Variants in XK observed in about 807,000 individuals in gnomAD.
XK encodes the protein endoplasmic reticulum membrane adapter protein XK.
A neutral mutation model predicts 14.0 loss-of-function variants in XK; 2 were observed. The observed-to-expected ratio is 0.14, with a 90% CI of 0.06 to 0.45. The LOEUF is 0.45. Ranked by LOEUF, XK falls within the 20% of genes least tolerant of loss-of-function variation. XK has a pLI of 0.98. For missense variants in XK, 235 were observed against 341.5 expected (o/e 0.69, Z 2.46); for synonymous variants, 149 against 147.5 (o/e 1.01, Z -0.08).
chrX:37,693,501 G>GTGTGTGTGTGTGTGTA (rs1435043646), intron 1 of XK, among the ~76,000 whole-genome samples: 2 of 110,297 alleles, frequency 1.8e-5, no homozygotes, highest in African/African-American at 6.6e-5. Context: ...GTGTGTGTGT[G>GTGTGTGTGTGTGTGTA]TATGTACTTC....
rs782053131 is a variant in XK at position 37,730,671 on chromosome X, G to A, written c.*2209G>A. ...GCCTTGGGAGTGAGGTGTGGGAGTAGCCACCAGCCTCCCACTGACTAGGCA... is the reference window on the plus strand; with the variant it reads ...GCCTTGGGAGTGAGGTGTGGGAGTAACCACCAGCCTCCCACTGACTAGGCA... On this transcript the variant is annotated 3_prime_UTR_variant, in exon 3 of 3. Coordinates refer to ENST00000378616, the MANE Select transcript of XK (RefSeq NM_021083.4). 5.3e-5 allele frequency: 6 copies of A among 112,670 alleles called. No homozygotes were observed. Among genetic ancestry groups the A allele is most frequent in the African/African-American group, 1.6e-4 (5 of 31,083 alleles). The allele number at this position is 112,670 out of a possible 1,213,427, so 9.3% of individuals were successfully genotyped here. A position where few individuals can be genotyped will look rare whatever the true frequency, so the allele number is the denominator to read the frequency against.
intron 2 of XK, among the ~76,000 whole-genome samples, chrX:37,698,044 C>G (rs1406913222): frequency 1.8e-5 from 2 of 112,156 alleles, no homozygotes; most frequent in Non-Finnish European, 3.8e-5. Context: ...AGGGCTTGCT[C>G]AAGTCTCCAG....
At chrX:37,707,614 C>T (rs782769477) in intron 2 of XK, among the ~76,000 whole-genome samples, 5 of 110,090 alleles carry the variant, frequency 4.5e-5, no homozygotes, top group Admixed American at 9.5e-5. Flanking sequence ...GACGGGGCAG[C>T]GGGGCAGAGC....
At chrX:37,705,177 A>G (rs898607092) in intron 2 of XK, among the ~76,000 whole-genome samples, 55 of 110,488 alleles carry the variant, frequency 5.0e-4, no homozygotes, top group South Asian at 1.5e-3. Flanking sequence ...CAGGCGTGGT[A>G]GCTCACGCCT....
In XK at chrX:37,685,937, C is replaced by T; in HGVS notation, c.-25C>T. The T allele has an allele frequency of 8.3e-7, 1 of 1,198,224 alleles. No homozygotes were observed. Among genetic ancestry groups the T allele is most frequent in the Non-Finnish European group, 1.1e-6 (1 of 890,152 alleles). On this transcript the variant is annotated 5_prime_UTR_variant, in exon 1 of 3. Coordinates refer to ENST00000378616, the MANE Select transcript of XK (RefSeq NM_021083.4). ...CAGCCGCCGCCACTGCGTCCGTCCC[C>T]GGTGAGCGCCGCTGACGCGCGGAGA...
At chrX:37,726,365 GTAT>G (rs1927974090) in intron 2 of XK, among the ~76,000 whole-genome samples, 1 of 111,846 alleles carries the variant, frequency 8.9e-6, no homozygotes, top group East Asian at 2.8e-4. Flanking sequence ...GCATGGAAGG[GTAT>G]TATCTCAATT....
rs181403748 is a variant in XK, at chrX:37,687,260, T to G, written c.245+1054T>G. On this transcript the variant is annotated intron_variant, in intron 1 of 2. Transcript: ENST00000378616. ...ACACATTGAGGAGCAAGATAAATTT[T>G]ACAAAGTTATAATTTTTTTTTTTTT... Among the ~76,000 whole-genome samples, 29 of 106,607 alleles carry G rather than the reference T, an allele frequency of 2.7e-4. No homozygotes were observed. In the East Asian group the frequency reaches 8.5e-3, roughly 31 times the overall value. The allele number at this position is 106,607 out of a possible 115,157, so 92.6% of individuals were successfully genotyped here.
At chrX:37,692,689 CT>C (rs1208947155) in intron 1 of XK, among the ~76,000 whole-genome samples, 5 of 112,429 alleles carry the variant, frequency 4.4e-5, no homozygotes, top group African/African-American at 1.6e-4. Context: ...GCGTGAGCCA[CT>C]GCCCCCGGCC....
At chrX:37,708,152 A>G (rs1927585598) in intron 2 of XK, among the ~76,000 whole-genome samples, 1 of 112,295 alleles carries the variant, frequency 8.9e-6, no homozygotes. Context: ...CCGAGATGGC[A>G]GCAGTACAGT....
intron 2 of XK, among the ~76,000 whole-genome samples, chrX:37,702,552 C>T (rs1398935695): frequency 9.0e-6 from 1 of 111,709 alleles, no homozygotes; most frequent in Non-Finnish European, 1.9e-5. Flanking sequence ...ACCTGAAAGT[C>T]TGGATTTCTG....
intron 2 of XK, among the ~76,000 whole-genome samples, chrX:37,709,090 A>C (rs1927609233): frequency 8.9e-6 from 1 of 112,240 alleles, no homozygotes; most frequent in South Asian, 3.7e-4. Flanking sequence ...ATCCAGCCAC[A>C]TACTTCCCTT....
At chrX:37,707,723 T>G (rs1161924287) in intron 2 of XK, among the ~76,000 whole-genome samples, 1 of 95,205 alleles carries the variant, frequency 1.1e-5, no homozygotes, top group Admixed American at 1.1e-4. Context: ...CTTCTCAGAG[T>G]GGGCAGCCAG....
intron 2 of XK, among the ~76,000 whole-genome samples, chrX:37,719,910 C>T (rs1162962719): frequency 9.0e-6 from 1 of 111,119 alleles, no homozygotes; most frequent in South Asian, 3.7e-4. Flanking sequence ...AACTATCTTT[C>T]TCCAGGAAGA....
At chrX:37,720,829 A>G (rs1927855912) in intron 2 of XK, among the ~76,000 whole-genome samples, 1 of 111,326 alleles carries the variant, frequency 9.0e-6, no homozygotes, top group Admixed American at 9.5e-5. Context: ...GGTTCCGTCC[A>G]TGTTACTGCA....
intron 2 of XK, among the ~76,000 whole-genome samples, chrX:37,707,217 G>A (rs1445495973): frequency 9.1e-6 from 1 of 110,492 alleles, no homozygotes; most frequent in Non-Finnish European, 1.9e-5. Flanking sequence ...GCCGGGCAGA[G>A]GTGACCCCCA....
Position 37,685,892 on chromosome X carries a change from C to A in XK, c.-70C>A. ...ATGCTGGGAGCCCCTCGGGCAACGG[C>A]CGCCGCCGCCACAGCCACACAGCCG... is the stretch of plus-strand genomic sequence containing the variant. On this transcript the variant is annotated 5_prime_UTR_variant, in exon 1 of 3. Coordinates refer to ENST00000378616, the MANE Select transcript of XK (RefSeq NM_021083.4). The A allele has an allele frequency of 4.4e-6, 5 of 1,129,326 alleles. No homozygotes were observed. In the South Asian group the frequency reaches 9.7e-5, roughly 22 times the overall value. 93.1% of individuals were successfully genotyped at this position (1,129,326 alleles called of 1,213,427 possible). A position where few individuals can be genotyped will look rare whatever the true frequency, so the allele number is the denominator to read the frequency against.
chrX:37,727,115 C>T (rs1927990588), intron 2 of XK, among the ~76,000 whole-genome samples: 1 of 111,083 alleles, frequency 9.0e-6, no homozygotes, highest in African/African-American at 3.3e-5. Flanking sequence ...GTGTGAGTTA[C>T]CCTGAAGCAG....
intron 1 of XK, among the ~76,000 whole-genome samples, chrX:37,693,159 G>T (rs1569472773): frequency 1.8e-5 from 2 of 111,809 alleles, no homozygotes; most frequent in Non-Finnish European, 3.8e-5. Context: ...CTCAGGATGA[G>T]AGTATAAAGT....
At chrX:37,695,720 G>A (rs1927294290) in intron 2 of XK, among the ~76,000 whole-genome samples, 1 of 112,087 alleles carries the variant, frequency 8.9e-6, no homozygotes, top group Non-Finnish European at 1.9e-5. Flanking sequence ...ATTCATGTCA[G>A]AGTCACAGGA....
Sources: allele counts gnomAD v4.1 joint callset (sites outside exome capture counted in the v4.1 genomes callset), GRCh38; gene constraint gnomAD v4.1.1; transcripts MANE v1.5; gene names NCBI Gene and HGNC (gene_info 2026-07-23, HGNC 2026-07-21).